The following SMARCA4 variants were observed in gnomAD, a reference collection of about 807,000 sequenced individuals.
The protein encoded by SMARCA4 is SWI/SNF-related matrix-associated actin-dependent regulator of chromatin subfamily A member 4.
Under a neutral mutation model 193.9 loss-of-function variants are expected in SMARCA4, and 31 were observed. The observed-to-expected ratio is 0.16, with a 90% CI of 0.12 to 0.22. The LOEUF (loss-of-function observed/expected upper bound fraction) is 0.22. Ranked by LOEUF, SMARCA4 falls within the 10% of genes least tolerant of loss-of-function variation. SMARCA4 has a pLI of 1.00. For synonymous variants in SMARCA4, 942 were observed against 933.1 expected (o/e 1.01, Z -0.17); for missense variants, 1,148 against 2,296.0 (o/e 0.50, Z 10.22).
At chr19:10,995,934 G>T (rs1278409519) in intron 9 of SMARCA4, 3 of 507,244 alleles carry the variant, frequency 5.9e-6, no homozygotes, top group Non-Finnish European at 1.1e-5. Context: ...CGGGTTTGGG[G>T]TGTATTTCGT....
At chr19:11,016,818 G>T (rs1003907140) in intron 16 of SMARCA4, among the ~76,000 whole-genome samples, 3 of 152,196 alleles carry the variant, frequency 2.0e-5, no homozygotes, top group African/African-American at 7.2e-5. Flanking sequence ...CCCAGCATCG[G>T]GTGAATTTTG....
At chr19:11,003,442 G>A (rs2087854382) in intron 13 of SMARCA4, 45 bp downstream of exon 13, 4 of 1,530,464 alleles carry the variant, frequency 2.6e-6, no homozygotes, top group East Asian at 2.2e-5. Flanking sequence ...GTGCCCACTG[G>A]CAGTGACTTC....
Position 11,019,244 on chromosome 19 carries a change from A to G in SMARCA4, c.2505+221A>G, listed in dbSNP as rs1014869615. The G allele has an allele frequency of 1.1e-5, 7 of 640,102 alleles. No individual in the cohort carries two copies. In the African/African-American group the frequency reaches 1.3e-4, roughly 11 times the overall value. The allele number at this position is 640,102 out of a possible 1,614,324, so 39.7% of individuals were successfully genotyped here. ...CACTGGGGAGGAGACAGGAGTGAGC[A>G]TGGTGGCCAGCACTCAGAGGCCAGC... is the stretch of plus-strand genomic sequence containing the variant. On this transcript the variant is annotated intron_variant, in intron 17 of 34. Transcript: ENST00000344626. This position sits in a 1 kb window ranked among gnomAD's most constrained non-coding sequence, Gnocchi z 6.1.
intron 16 of SMARCA4, among the ~76,000 whole-genome samples, chr19:11,013,510 C>T (rs775772979): frequency 6.6e-6 from 1 of 152,156 alleles, no homozygotes; most frequent in Non-Finnish European, 1.5e-5. Context: ...GACTGCTCCA[C>T]CAGCCTCGGG....
intron 16 of SMARCA4, among the ~76,000 whole-genome samples, chr19:11,018,598 C>A (rs1489737432): frequency 1.3e-5 from 2 of 152,250 alleles, no homozygotes; most frequent in Non-Finnish European, 2.9e-5. Flanking sequence ...TAGCCTGGCT[C>A]TGGGCGTGAA....
chr19:11,027,690 C>T, intron 23 of SMARCA4, 94 bp from the exon 24 acceptor site: 1 of 1,396,268 alleles, frequency 7.2e-7, no homozygotes. Flanking sequence ...CGGCGCCTGG[C>T]CTGGAGGCGG....
chr19:11,022,119 C>T lies in SMARCA4; in HGVS notation c.2859+152C>T. On this transcript the variant is annotated intron_variant, in intron 19 of 34. Transcript: ENST00000344626. ...GCATGGAGCAGGGGAGCCCTGGAAC[C>T]CAAGGCTGGGGCAGCCACAAGGGCC... The T allele has an allele frequency of 3.2e-6, 4 of 1,248,324 alleles. No individual in the cohort carries two copies. In the South Asian group the frequency reaches 3.7e-5, roughly 12 times the overall value. 77.3% of individuals were successfully genotyped at this position (1,248,324 alleles called of 1,614,324 possible).
chr19:10,997,092 T>C (rs573558424), intron 11 of SMARCA4, among the ~76,000 whole-genome samples: 1 of 152,180 alleles, frequency 6.6e-6, no homozygotes, highest in African/African-American at 2.4e-5. Context: ...CAATCTTGGC[T>C]CATTGCAGCC....
Position 11,060,100 on chromosome 19 carries a change from G to C in SMARCA4, c.4824G>C (p.Arg1608=), listed in dbSNP as rs1418317045. 6.4e-7 allele frequency: 1 copy of C among 1,552,284 alleles called. No homozygotes were observed. The highest frequency in any genetic ancestry group is 2.4e-5 in the East Asian group (1 of 40,944). Residue 1608 remains arginine (R), a synonymous_variant, in exon 34 of 35, where the codon CGG becomes CGC. Coordinates refer to ENST00000344626, the MANE Select transcript of SMARCA4 (RefSeq NM_003072.5). ...KLGRKEKAQD[R]LKGGRRRPSR... ...GCCGGAAGGAGAAGGCACAGGACCGGCTGAAGGGCGGCCGGCGGCGGCCGA... is the reference window on the plus strand; with the variant it reads ...GCCGGAAGGAGAAGGCACAGGACCGCCTGAAGGGCGGCCGGCGGCGGCCGA...
intron 13 of SMARCA4, among the ~76,000 whole-genome samples, chr19:11,004,546 A>C (rs1319880485): frequency 6.6e-6 from 1 of 152,114 alleles, no homozygotes; most frequent in Non-Finnish European, 1.5e-5. Context: ...CCAGTGCGTC[A>C]AAGTCTGTTC....
chr19:11,001,554 C>T (rs1302092965), intron 11 of SMARCA4, among the ~76,000 whole-genome samples: 1 of 152,144 alleles, frequency 6.6e-6, no homozygotes, highest in Non-Finnish European at 1.5e-5. Context: ...ATGCAGCAAT[C>T]GGCATCTTTG....
chr19:11,035,679 G>A (rs573095136), intron 29 of SMARCA4, among the ~76,000 whole-genome samples: 19 of 152,360 alleles, frequency 1.2e-4, no homozygotes, highest in South Asian at 2.1e-4. Context: ...TGGAGCTGAC[G>A]TGAGGGCCCG....
At position 11,013,060 on chromosome 19, in the gene SMARCA4, C is replaced by T. The variant is rs2146280215; in HGVS notation, c.2386C>T (p.Leu796Phe). 6.2e-7 allele frequency: 1 copy of T among 1,614,172 alleles called. No individual in the cohort carries two copies. Among genetic ancestry groups the T allele is most frequent in the Non-Finnish European group, 8.5e-7 (1 of 1,180,006 alleles). ...CCAGACCATCGCGCTCATCACGTAC[C>T]TCATGGAGCACAAACGCATCAATGG... The part of the protein sequence containing the change: ...TIQTIALITY[L>F]MEHKRINGPF... The change falls in exon 16 of 35, where the codon CTC becomes TTC. Residue 796 changes from leucine to phenylalanine, a missense_variant. Leu to Phe is a conservative substitution (Grantham distance 22). Around this residue, in one of 17 missense-constraint regions of SMARCA4, gnomAD observed 54 missense variants for 123.3 expected, o/e 0.44. Transcript: ENST00000344626.
At position 10,994,800 on chromosome 19, in the gene SMARCA4, C is replaced by T. The variant is rs1207919707; in HGVS notation, c.1420-28C>T. 11 of 1,608,126 alleles carry T rather than the reference C, an allele frequency of 6.8e-6. 1 individual carries two copies. The South Asian group carries it at 1.2e-4, about 18-fold the overall frequency. On this transcript the variant is annotated intron_variant, in intron 8 of 34. Coordinates refer to ENST00000344626, the MANE Select transcript of SMARCA4 (RefSeq NM_003072.5). ...TGTGTCCACCATGCTGCTGAAGGGT[C>T]AGCCTTCTCTTTTGTGCTTTCCTGC...
chr19:11,019,130 T>TCC lies in SMARCA4; in HGVS notation c.2505+108_2505+109dup, dbSNP rs2146364695. ...ACAGTGAACCTGAGAATGCTGGGTC[T>TCC]CCAGTCGCATGGAGTCTCCAGGACA... is the stretch of plus-strand genomic sequence containing the variant. On this transcript the variant is annotated intron_variant, in intron 17 of 34. Coordinates refer to ENST00000344626, the MANE Select transcript of SMARCA4 (RefSeq NM_003072.5). The surrounding 1 kb of genome is among the most constrained non-coding windows in gnomAD (Gnocchi z 6.1). 1 of 872,746 alleles carries TCC rather than the reference T, an allele frequency of 1.1e-6. No individual in the cohort carries two copies. Among genetic ancestry groups the TCC allele is most frequent in the East Asian group, 2.5e-5 (1 of 40,444 alleles). The allele number at this position is 872,746 out of a possible 1,614,324, so 54.1% of individuals were successfully genotyped here. A position where few individuals can be genotyped will look rare whatever the true frequency, so the allele number is the denominator to read the frequency against.
At position 10,982,746 on chromosome 19, in the gene SMARCA4, T is replaced by C. The variant is rs1395152044; in HGVS notation, c.-31-1375T>C. 5.3e-5 allele frequency among the ~76,000 whole-genome samples: 8 copies of C among 152,188 alleles called. No homozygotes were observed. In the East Asian group the frequency reaches 5.9e-4, roughly 11 times the overall value. On this transcript the variant is annotated intron_variant, in intron 1 of 34. Coordinates refer to ENST00000344626, the MANE Select transcript of SMARCA4 (RefSeq NM_003072.5). ...GTCTCGATCTCCTGACCTCGTGATC[T>C]GCCCGCCTTGGCCTCCCAAAGTGCT...
chr19:11,004,822 C>A (rs1471703367), intron 13 of SMARCA4, among the ~76,000 whole-genome samples: 1 of 150,148 alleles, frequency 6.7e-6, no homozygotes, highest in African/African-American at 2.4e-5. Context: ...TTTTTTTTCC[C>A]TAGATTTTTA....
chr19:10,995,220 T>C, intron 9 of SMARCA4: 1 of 671,180 alleles, frequency 1.5e-6, no homozygotes, highest in Non-Finnish European at 2.7e-6. Context: ...TCAGGCCACT[T>C]AGCCGGCTCC....
At position 11,021,966 on chromosome 19, in the gene SMARCA4, A is replaced by G. The variant is rs1256465004; in HGVS notation, c.2858A>G (p.Lys953Arg). Residue 953 changes from lysine to arginine, a missense_variant and splice_region_variant, in exon 19 of 35, where the codon AAG becomes AGG. Lys to Arg is a conservative substitution (Grantham distance 26). Coordinates refer to ENST00000344626, the MANE Select transcript of SMARCA4 (RefSeq NM_003072.5). The stretch of plus-strand genomic sequence containing the variant: ...GCACCCTTTGCCATGACCGGGGAAA[A>G]GGTGGGTTTGCCCAGCTGTGCCCAT... ...FNAPFAMTGEKVDLNEEETIL... is the reference protein window; with the variant it reads ...FNAPFAMTGERVDLNEEETIL... 1 of 1,611,784 alleles carries G rather than the reference A, an allele frequency of 6.2e-7. No individual in the cohort carries two copies. The highest frequency in any genetic ancestry group is 8.5e-7 in the Non-Finnish European group (1 of 1,179,924).
Sources: allele counts gnomAD v4.1 joint callset (sites outside exome capture counted in the v4.1 genomes callset), GRCh38; gene constraint gnomAD v4.1.1; regional missense constraint gnomAD v4.1.1; non-coding constraint Gnocchi (gnomAD v3.1); transcripts MANE v1.5; gene names NCBI Gene and HGNC (gene_info 2026-07-23, HGNC 2026-07-21).